AKAP12: variants seen among roughly 807,000 people sequenced by gnomAD.
AKAP12 encodes A-kinase anchoring protein 12.
A neutral mutation model predicts 79.9 loss-of-function variants in AKAP12; 32 were observed. That is an observed-to-expected ratio of 0.40 (90% confidence interval 0.30 to 0.54). The LOEUF is 0.54. Among genes scored for constraint, AKAP12 ranks in the 20% least tolerant of loss-of-function variants. AKAP12 has a pLI of 0.48. For missense variants in AKAP12, 2,074 were observed against 2,177.0 expected (o/e 0.95, Z 0.94); for synonymous variants, 808 against 857.0 (o/e 0.94, Z 1.00).
In AKAP12 at chr6:151,271,804, C is replaced by T. The variant is rs371574608; in HGVS notation, c.162+31080C>T. Among the ~76,000 whole-genome samples, 31 of 152,118 alleles carry T rather than the reference C, an allele frequency of 2.0e-4. No homozygotes were observed. The East Asian group carries it at 5.4e-3, about 27-fold the overall frequency. On this transcript the variant is annotated intron_variant, in intron 2 of 4. Transcript: ENST00000402676. The stretch of plus-strand genomic sequence containing the variant: ...CCTCCTGAGTAGCTGTGATTACAGG[C>T]GCTTGCCACCACGCCCAGCTAATTT...
chr6:151,312,574 G>A (rs888841761), intron 3 of AKAP12, among the ~76,000 whole-genome samples: 8 of 151,982 alleles, frequency 5.3e-5, no homozygotes, highest in South Asian at 2.1e-4. Context: ...GGCGGATCAC[G>A]AGGTCAGGAG....
chr6:151,242,750 G>A (rs1797002717), intron 2 of AKAP12, among the ~76,000 whole-genome samples: 1 of 152,200 alleles, frequency 6.6e-6, no homozygotes, highest in Non-Finnish European at 1.5e-5. Context: ...TGGGTTTAGT[G>A]TTCTTGCTGT....
At position 151,245,656 on chromosome 6, in the gene AKAP12, C is replaced by CAAAAAA. The variant is rs10700236; in HGVS notation, c.162+4947_162+4952dup. Among the ~76,000 whole-genome samples the CAAAAAA allele has an allele frequency of 2.2e-3, 220 of 98,796 alleles. 5 individuals carry two copies. In the East Asian group the frequency reaches 0.03, roughly 14 times the overall value. The allele number at this position is 98,796 out of a possible 152,430, so 64.8% of individuals were successfully genotyped here. On this transcript the variant is annotated intron_variant, in intron 2 of 4. Coordinates refer to ENST00000402676, the MANE Select transcript of AKAP12 (RefSeq NM_005100.4). ...TGGGCGACAGAGAGAGACTCCGTCT[C>CAAAAAA]AAAAAAAAAAAAAAAAAAAATCAAA...
Position 151,349,272 on chromosome 6 carries a change from C to G in AKAP12, c.881C>G (p.Ser294Ter), listed in dbSNP as rs1778207743. The change falls in exon 4 of 5, where the codon TCA (serine) becomes TGA (stop). Residue 294 changes from serine to a stop codon, truncating the protein, a stop_gained. Transcript: ENST00000402676. LOFTEE classifies it high-confidence loss of function. Reference sequence around the variant, plus strand: ...AGTCCCGTGACCAGTGAAACAGGATCAACCTTCAAAAAATTCTTCACTCAA... The same window carrying G: ...AGTCCCGTGACCAGTGAAACAGGATGAACCTTCAAAAAATTCTTCACTCAA... The part of the protein sequence containing the change: ...PTSPVTSETG[S>*]TFKKFFTQGW... 6.2e-7 allele frequency: 1 copy of G among 1,613,208 alleles called. No individual in the cohort carries two copies. The highest frequency in any genetic ancestry group is 8.5e-7 in the Non-Finnish European group (1 of 1,179,834).
rs540088712 is a variant in AKAP12, at chr6:151,269,213, C to G, written c.162+28489C>G. 7.2e-5 allele frequency among the ~76,000 whole-genome samples: 11 copies of G among 151,726 alleles called. No individual in the cohort carries two copies. The South Asian group carries it at 8.3e-4, about 12-fold the overall frequency. ...AGGTCTTTTTGAAGACAGCTGTAGC[C>G]CATTAGTAACGGTCCCATTCAAGGA... On this transcript the variant is annotated intron_variant, in intron 2 of 4. Transcript: ENST00000402676.
At chr6:151,312,117 T>A (rs767401695) in intron 3 of AKAP12, among the ~76,000 whole-genome samples, 2 of 152,210 alleles carry the variant, frequency 1.3e-5, no homozygotes, top group African/African-American at 4.8e-5. Context: ...TCCTTTTCTC[T>A]ACACCAGTTG....
intron 2 of AKAP12, among the ~76,000 whole-genome samples, chr6:151,299,413 C>T (rs1444356158): frequency 6.6e-6 from 1 of 152,100 alleles, no homozygotes; most frequent in Non-Finnish European, 1.5e-5. Flanking sequence ...CAATTTCCCT[C>T]TAAGAGGATA....
chr6:151,297,777 A>G (rs1369333210), intron 2 of AKAP12, among the ~76,000 whole-genome samples: 1 of 151,984 alleles, frequency 6.6e-6, no homozygotes, highest in East Asian at 1.9e-4. Flanking sequence ...TTCATTTCAC[A>G]TCTCAGACTC....
intron 3 of AKAP12, among the ~76,000 whole-genome samples, chr6:151,308,488 C>T (rs1430014800): frequency 1.3e-5 from 2 of 152,158 alleles, no homozygotes; most frequent in South Asian, 2.1e-4. Context: ...GCTGGAATTA[C>T]AGACGTGAGC....
At chr6:151,248,962 G>C (rs532574091) in intron 2 of AKAP12, among the ~76,000 whole-genome samples, 1 of 152,092 alleles carries the variant, frequency 6.6e-6, no homozygotes, top group East Asian at 1.9e-4. Context: ...ACTCCAGCCT[G>C]GGCGACAGAG....
In AKAP12 at chr6:151,351,422, G is replaced by T; in HGVS notation, c.3031G>T (p.Asp1011Tyr). ...GGTGTCAGCAGTCTCCCAGTTAACC[G>T]ACTCCCCAGACACCACAGAGGAGGC... ...EMVSAVSQLTDSPDTTEEATP... is the reference protein window; with the variant it reads ...EMVSAVSQLTYSPDTTEEATP... The change falls in exon 4 of 5, where the codon GAC becomes TAC. Residue 1011 changes from aspartate (D) to tyrosine (Y), a missense_variant. Asp to Tyr is a radical substitution (Grantham distance 160). Around this residue, in one of 3 missense-constraint regions of AKAP12, gnomAD observed 1,428 missense variants for 1,451.0 expected, o/e 0.98. Transcript: ENST00000402676. The surrounding 1 kb of genome is among the most constrained non-coding windows in gnomAD (Gnocchi z 4.4). The T allele has an allele frequency of 6.2e-7, 1 of 1,614,204 alleles. No homozygotes were observed. The highest frequency in any genetic ancestry group is 1.1e-5 in the South Asian group (1 of 91,088).
chr6:151,298,086 T>C (rs951541838), intron 2 of AKAP12, among the ~76,000 whole-genome samples: 6 of 152,334 alleles, frequency 3.9e-5, no homozygotes, highest in Admixed American at 3.9e-4. Context: ...GAGAGGAGCT[T>C]GGACTCTAAC....
chr6:151,294,928 G>GGTTTTCTAAACT (rs1380613365), intron 2 of AKAP12, among the ~76,000 whole-genome samples: 6 of 152,178 alleles, frequency 3.9e-5, no homozygotes, highest in Admixed American at 3.9e-4. Context: ...TTTAGAAAAT[G>GGTTTTCTAAACT]CAGTGATTTC....
Position 151,350,649 on chromosome 6 carries a change from G to A in AKAP12, c.2258G>A (p.Gly753Glu). ...SPEQAGSPTEGEGVSTWESFK... is the reference protein window; with the variant it reads ...SPEQAGSPTEEEGVSTWESFK... ...GAGCAAGCTGGAAGCCCTACCGAAG[G>A]GGAGGGCGTTTCCACCTGGGAGTCA... Residue 753 changes from glycine to glutamate, a missense_variant, in exon 4 of 5, where the codon GGG becomes GAG. Gly to Glu is a moderately conservative substitution (Grantham distance 98, BLOSUM62 -2). Coordinates refer to ENST00000402676, the MANE Select transcript of AKAP12 (RefSeq NM_005100.4). The surrounding 1 kb of genome is among the most constrained non-coding windows in gnomAD (Gnocchi z 4.8). 6.2e-7 allele frequency: 1 copy of A among 1,614,010 alleles called. No individual in the cohort carries two copies. Among genetic ancestry groups the A allele is most frequent in the Non-Finnish European group, 8.5e-7 (1 of 1,180,020 alleles).
chr6:151,274,078 T>G (rs184966958), intron 2 of AKAP12, among the ~76,000 whole-genome samples: 1,927 of 146,298 alleles, frequency 0.013, 25 homozygotes, highest in Non-Finnish European at 0.019. Flanking sequence ...CCTCAGTTCT[T>G]TTTTTTTTTT....
chr6:151,316,598 A>G (rs1777239890), intron 3 of AKAP12, among the ~76,000 whole-genome samples: 1 of 152,046 alleles, frequency 6.6e-6, no homozygotes, highest in Non-Finnish European at 1.5e-5. Context: ...GTGCACATGC[A>G]CATTCCTGGT....
At chr6:151,355,225 G>A (rs1778412485) in intron 4 of AKAP12, among the ~76,000 whole-genome samples, 1 of 151,382 alleles carries the variant, frequency 6.6e-6, no homozygotes, top group Admixed American at 6.6e-5. Context: ...CTGACCTCAA[G>A]TGATCTGCCC....
intron 2 of AKAP12, among the ~76,000 whole-genome samples, chr6:151,288,964 T>G (rs1776561573): frequency 6.6e-6 from 1 of 152,250 alleles, no homozygotes; most frequent in South Asian, 2.1e-4. Flanking sequence ...GGTTAATGGA[T>G]TCCTGTTAGA....
intron 2 of AKAP12, among the ~76,000 whole-genome samples, chr6:151,273,901 C>T (rs565889100): frequency 7.8e-4 from 119 of 151,962 alleles, no homozygotes; most frequent in African/African-American, 2.8e-3. Context: ...TGGTGGCGTG[C>T]GCCTGTAATC....
Sources: gnomAD v4.1 joint callset for allele counts (sites outside exome capture counted in the v4.1 genomes callset) on GRCh38, gnomAD v4.1.1 for gene constraint, gnomAD v4.1.1 regional missense constraint, Gnocchi (gnomAD v3.1) non-coding constraint, MANE v1.5 for transcripts, NCBI Gene and HGNC (gene_info 2026-07-23, HGNC 2026-07-21) for gene names.